HMBOX1: variants seen among roughly 807,000 people sequenced by gnomAD.
The protein encoded by HMBOX1 is homeobox-containing protein 1.
A neutral mutation model predicts 54.5 loss-of-function variants in HMBOX1; 14 were observed. The observed-to-expected ratio is 0.26, with a 90% CI of 0.17 to 0.40. The LOEUF (loss-of-function observed/expected upper bound fraction) is 0.40, where lower values mean the gene tolerates loss of function less well. Ranked by LOEUF, HMBOX1 falls within the 10% of genes least tolerant of loss-of-function variation. The probability of loss-of-function intolerance (pLI) is 1.00; values close to 1 mark genes in which losing one functional copy is unlikely to be tolerated. For synonymous variants in HMBOX1, 160 were observed against 181.0 expected, an observed-to-expected ratio of 0.88 and a Z score of 0.93; for missense variants, 332 against 514.4, an observed-to-expected ratio of 0.65 and a Z score of 3.43.
At chr8:28,971,810 A>G (rs1827481033) in intron 3 of HMBOX1, among the ~76,000 whole-genome samples, 2 of 152,160 alleles carry the variant, frequency 1.3e-5, no homozygotes. Context: ...AGAGATGATA[A>G]AGGTATTGTT....
At chr8:28,943,411 C>T (rs1262025801) in intron 1 of HMBOX1, among the ~76,000 whole-genome samples, 1 of 152,122 alleles carries the variant, frequency 6.6e-6, no homozygotes, top group Non-Finnish European at 1.5e-5. Flanking sequence ...ACTGACTAGG[C>T]AGATAAGGGT....
chr8:29,000,550 A>G (rs193229798), intron 4 of HMBOX1, among the ~76,000 whole-genome samples: 84 of 152,354 alleles, frequency 5.5e-4, no homozygotes, highest in Non-Finnish European at 1.0e-3. Flanking sequence ...GTGTTAACTT[A>G]TTGCCACTGA....
At chr8:28,941,728 T>A (rs542358168) in intron 1 of HMBOX1, among the ~76,000 whole-genome samples, 2 of 152,324 alleles carry the variant, frequency 1.3e-5, no homozygotes, top group South Asian at 2.1e-4. Flanking sequence ...TAAAAAAAAA[T>A]TCAGTAAGAA....
At chr8:28,994,153 C>G (rs1429029693) in intron 4 of HMBOX1, among the ~76,000 whole-genome samples, 3 of 146,550 alleles carry the variant, frequency 2.0e-5, no homozygotes, top group Non-Finnish European at 4.5e-5. Flanking sequence ...GGCGACAGAG[C>G]CAGACTCTCT....
intron 1 of HMBOX1, among the ~76,000 whole-genome samples, chr8:28,923,197 C>T (rs1439617021): frequency 1.3e-5 from 2 of 152,164 alleles, no homozygotes; most frequent in Non-Finnish European, 2.9e-5. Flanking sequence ...CTGCCCTCAT[C>T]CCCTAGCAAC....
intron 1 of HMBOX1, among the ~76,000 whole-genome samples, chr8:28,928,629 T>G (rs1018991779): frequency 6.6e-6 from 1 of 152,164 alleles, no homozygotes; most frequent in Non-Finnish European, 1.5e-5. Context: ...CCCAGATAAA[T>G]AAAGAAAATG....
chr8:29,025,198 C>G (rs748859908), intron 6 of HMBOX1, among the ~76,000 whole-genome samples: 101 of 152,146 alleles, frequency 6.6e-4, no homozygotes, highest in Non-Finnish European at 1.2e-3. Flanking sequence ...ACAATCTAAC[C>G]TAGTCACACA....
Position 29,052,665 on chromosome 8 carries a change from G to T in HMBOX1, c.*1510G>T, listed in dbSNP as rs1362199264. 1 of 151,982 alleles carries T rather than the reference G, an allele frequency of 6.6e-6. No individual in the cohort carries two copies. The highest frequency in any genetic ancestry group is 1.5e-5 in the Non-Finnish European group (1 of 68,008). 9.4% of individuals were successfully genotyped at this position (151,982 alleles called of 1,614,324 possible). A position where few individuals can be genotyped will look rare whatever the true frequency, so the allele number is the denominator to read the frequency against. The stretch of plus-strand genomic sequence containing the variant: ...GCATCAAAGAAAATTACATCTGCTG[G>T]CCTTGTATGAAAATGATCTCTTGGC... On this transcript the variant is annotated 3_prime_UTR_variant, in exon 10 of 10. Coordinates refer to ENST00000287701, the MANE Select transcript of HMBOX1 (RefSeq NM_001135726.3).
chr8:28,928,511 A>T (rs1563406547), intron 1 of HMBOX1, among the ~76,000 whole-genome samples: 1 of 152,230 alleles, frequency 6.6e-6, no homozygotes, highest in South Asian at 2.1e-4. Context: ...CAGCAATCCC[A>T]CTTGTGGTTA....
chr8:29,015,743 C>A, intron 5 of HMBOX1, among the ~76,000 whole-genome samples: 1 of 152,048 alleles, frequency 6.6e-6, no homozygotes, highest in Admixed American at 6.6e-5. Flanking sequence ...GTTTTTAAAC[C>A]AGGGGTTGGC....
chr8:28,928,196 G>C (rs1168148377), intron 1 of HMBOX1, among the ~76,000 whole-genome samples: 1 of 152,032 alleles, frequency 6.6e-6, no homozygotes, highest in African/African-American at 2.4e-5. Context: ...GATGCAGGGT[G>C]TTATGCATAC....
chr8:28,971,873 T>TA (rs1369127122), intron 3 of HMBOX1, among the ~76,000 whole-genome samples: 1 of 151,994 alleles, frequency 6.6e-6, no homozygotes, highest in Non-Finnish European at 1.5e-5. Context: ...ATAAATTAGT[T>TA]ACAGTAGATT....
intron 1 of HMBOX1, among the ~76,000 whole-genome samples, chr8:28,918,697 A>G (rs1205689148): frequency 1.3e-5 from 2 of 152,200 alleles, no homozygotes; most frequent in African/African-American, 4.8e-5. Flanking sequence ...GAGTTTATAA[A>G]CATCATTTTA....
At position 28,970,185 on chromosome 8, in the gene HMBOX1, G is replaced by C; in HGVS notation, c.166G>C (p.Glu56Gln). 1 of 1,614,156 alleles carries C rather than the reference G, an allele frequency of 6.2e-7. No homozygotes were observed. Among genetic ancestry groups the C allele is most frequent in the Non-Finnish European group, 8.5e-7 (1 of 1,180,020 alleles). The part of the protein sequence containing the change: ...ALETLDRLDQ[E>Q]HSDKFGRRSS... ...GGAAACTTTGGACCGTCTTGATCAAGAGCATAGTGACAAGTTTGGAAGAAG... is the reference window on the plus strand; with the variant it reads ...GGAAACTTTGGACCGTCTTGATCAACAGCATAGTGACAAGTTTGGAAGAAG... The change falls in exon 3 of 10, where the codon GAG becomes CAG. Residue 56 changes from glutamate to glutamine, a missense_variant. Glu to Gln is a conservative substitution (Grantham distance 29). This residue lies in a region of HMBOX1 where 146 missense variants were observed against 173.3 expected (regional missense o/e 0.84). Coordinates refer to ENST00000287701, the MANE Select transcript of HMBOX1 (RefSeq NM_001135726.3). The surrounding 1 kb of genome is among the most constrained non-coding windows in gnomAD (Gnocchi z 4.3).
At position 29,001,549 on chromosome 8, in the gene HMBOX1, CAAACAAAACAAAACA is replaced by C. The variant is rs59794853; in HGVS notation, c.587-7491_587-7477del. ...TCGGTAATAGAGCGAGATTCCATCTCAAACAAAACAAAACAAAACAAAACAAAACAAAACAAAACA... is the reference window on the plus strand; with the variant it reads ...TCGGTAATAGAGCGAGATTCCATCTCAAACAAAACAAAACAAAACAAAACA... On this transcript the variant is annotated intron_variant, in intron 4 of 9. Transcript: ENST00000287701. 6.7e-3 allele frequency among the ~76,000 whole-genome samples: 1,007 copies of C among 149,706 alleles called. 13 individuals are homozygous for C. The highest frequency in any genetic ancestry group is 0.019 in the African/African-American group (770 of 40,478).
At chr8:29,026,659 G>A (rs1802094824) in intron 6 of HMBOX1, among the ~76,000 whole-genome samples, 1 of 152,144 alleles carries the variant, frequency 6.6e-6, no homozygotes, top group Admixed American at 6.5e-5. Context: ...GGCTCAAAGA[G>A]GTTGAATAAC....
In HMBOX1 at chr8:29,027,664, G is replaced by C. The variant is rs1036560643; in HGVS notation, c.851+8751G>C. On this transcript the variant is annotated intron_variant, in intron 6 of 9. Transcript: ENST00000287701. Reference sequence around the variant, plus strand: ...AAGCAACAACTTGGAAAAAAGCTTTGACTGGATGCAGGAATAAATGTGAGA... The same window carrying C: ...AAGCAACAACTTGGAAAAAAGCTTTCACTGGATGCAGGAATAAATGTGAGA... Among the ~76,000 whole-genome samples, 14 of 152,176 alleles carry C rather than the reference G, an allele frequency of 9.2e-5. 1 individual carries two copies. Among genetic ancestry groups the C allele is most frequent in the Admixed American group, 8.5e-4 (13 of 15,272 alleles).
intron 6 of HMBOX1, among the ~76,000 whole-genome samples, chr8:29,044,484 C>T (rs754523411): frequency 4.6e-5 from 7 of 151,908 alleles, no homozygotes; most frequent in Non-Finnish European, 1.0e-4. Flanking sequence ...AAAGTACTAT[C>T]GTACTTTAAA....
chr8:28,910,832 C>A (rs1375558903), intron 1 of HMBOX1, among the ~76,000 whole-genome samples: 1 of 152,076 alleles, frequency 6.6e-6, no homozygotes, highest in Non-Finnish European at 1.5e-5. Flanking sequence ...CTTTCTCTTA[C>A]TGATTTGTTT....
Sources: gnomAD v4.1 joint callset for allele counts (sites outside exome capture counted in the v4.1 genomes callset) on GRCh38, gnomAD v4.1.1 for gene constraint, gnomAD v4.1.1 regional missense constraint, Gnocchi (gnomAD v3.1) non-coding constraint, MANE v1.5 for transcripts, NCBI Gene and HGNC (gene_info 2026-07-23, HGNC 2026-07-21) for gene names.